The following PTPRD variants were observed in gnomAD, a reference collection of about 807,000 sequenced individuals.
PTPRD encodes protein tyrosine phosphatase receptor type D.
A neutral mutation model predicts 214.5 loss-of-function variants in PTPRD; 34 were observed. The observed-to-expected ratio is 0.16, with a 90% CI of 0.12 to 0.21. PTPRD has a LOEUF of 0.21. PTPRD is among the 10% of genes least tolerant of loss of function. The pLI, the probability that PTPRD is intolerant of heterozygous loss-of-function variation, is 1.00. For missense variants in PTPRD, 2,545 were observed against 2,398.7 expected (o/e 1.06, Z -1.27); for synonymous variants, 1,128 against 845.7 (o/e 1.33, Z -5.79).
chr9:9,971,235 T>C (rs922982634), intron 4 of PTPRD, among the ~76,000 whole-genome samples: 4 of 152,186 alleles, frequency 2.6e-5, no homozygotes, highest in South Asian at 2.1e-4. Flanking sequence ...GTAGTAATTC[T>C]TCAGTCTGAG....
intron 9 of PTPRD, among the ~76,000 whole-genome samples, chr9:9,308,225 T>A (rs1201636888): frequency 6.6e-6 from 1 of 152,168 alleles, no homozygotes; most frequent in African/African-American, 2.4e-5. Flanking sequence ...TCAAGTAATA[T>A]CACCAACTAA....
At chr9:9,786,122 T>G (rs569752279) in intron 5 of PTPRD, among the ~76,000 whole-genome samples, 57 of 152,290 alleles carry the variant, frequency 3.7e-4, no homozygotes, top group African/African-American at 1.3e-3. Context: ...TTACCTAACC[T>G]AAAAATTTTT....
intron 8 of PTPRD, among the ~76,000 whole-genome samples, chr9:9,525,489 A>G (rs1488342054): frequency 1.3e-5 from 2 of 152,168 alleles, no homozygotes; most frequent in Non-Finnish European, 1.5e-5. Context: ...CACAAATTAA[A>G]TGGAATGCCC....
intron 8 of PTPRD, among the ~76,000 whole-genome samples, chr9:9,460,724 G>A (rs2093580150): frequency 1.3e-5 from 2 of 152,196 alleles, no homozygotes; most frequent in Admixed American, 1.3e-4. Context: ...CTGTTGGTGG[G>A]AATGGAAATT....
chr9:8,361,266 T>C (rs1317971465), intron 39 of PTPRD, among the ~76,000 whole-genome samples: 1 of 152,204 alleles, frequency 6.6e-6, no homozygotes, highest in Non-Finnish European at 1.5e-5. Context: ...ATGTGAAACT[T>C]AGAATGTCAA....
chr9:10,117,256 C>T (rs1216659788), intron 3 of PTPRD, among the ~76,000 whole-genome samples: 3 of 152,008 alleles, frequency 2.0e-5, no homozygotes, highest in Non-Finnish European at 2.9e-5. Flanking sequence ...AGTAAATTAG[C>T]CCATTTTTAG....
chr9:9,973,792 T>C (rs139203754), intron 4 of PTPRD, among the ~76,000 whole-genome samples: 9 of 152,210 alleles, frequency 5.9e-5, no homozygotes, highest in East Asian at 1.9e-4. Context: ...TTTTCATTTA[T>C]ATTTTTATTT....
At chr9:9,456,549 A>G (rs2093030473) in intron 8 of PTPRD, among the ~76,000 whole-genome samples, 1 of 151,928 alleles carries the variant, frequency 6.6e-6, no homozygotes, top group East Asian at 1.9e-4. Context: ...ATAGAGTTAA[A>G]AATGTATTAC....
At chr9:9,947,562 T>G (rs1261119730) in intron 4 of PTPRD, among the ~76,000 whole-genome samples, 1 of 39,558 alleles carries the variant, frequency 2.5e-5, no homozygotes, top group African/African-American at 1.7e-4. Flanking sequence ...TATATATATA[T>G]TTTATATATA....
At chr9:8,816,140 T>A (rs2096914211) in intron 11 of PTPRD, among the ~76,000 whole-genome samples, 1 of 152,192 alleles carries the variant, frequency 6.6e-6, no homozygotes, top group Non-Finnish European at 1.5e-5. Flanking sequence ...AACAGTAACA[T>A]CATTCACAGG....
intron 22 of PTPRD, 108 bp from the exon 23 acceptor site, chr9:8,504,513 C>A (rs935576619): frequency 8.1e-7 from 1 of 1,233,026 alleles, no homozygotes; most frequent in East Asian, 2.3e-5. Flanking sequence ...ATAATCTCAT[C>A]AAAATATCAC....
chr9:9,301,617 C>T (rs1348954926), intron 9 of PTPRD, among the ~76,000 whole-genome samples: 1 of 151,844 alleles, frequency 6.6e-6, no homozygotes, highest in South Asian at 2.1e-4. Flanking sequence ...TTGAATATTG[C>T]TTTTACTGAA....
chr9:8,877,803 T>C (rs80066751), intron 11 of PTPRD, among the ~76,000 whole-genome samples: 5,091 of 152,248 alleles, frequency 0.033, 289 homozygotes, highest in African/African-American at 0.11. Flanking sequence ...CCTTTTCCCA[T>C]TTAAACACTA....
intron 3 of PTPRD, among the ~76,000 whole-genome samples, chr9:10,140,368 A>C (rs888658469): frequency 1.3e-5 from 2 of 151,932 alleles, no homozygotes; most frequent in Middle Eastern, 3.2e-3. Context: ...TAATAAAGAA[A>C]AAAAGAGAGA....
chr9:10,239,098 G>A (rs924708285), intron 3 of PTPRD, among the ~76,000 whole-genome samples: 1 of 151,818 alleles, frequency 6.6e-6, no homozygotes, highest in African/African-American at 2.4e-5. Context: ...AAAACACAAA[G>A]GATTCTGATA....
chr9:10,545,771 T>C (rs2060045241), intron 2 of PTPRD, among the ~76,000 whole-genome samples: 1 of 152,158 alleles, frequency 6.6e-6, no homozygotes, highest in Admixed American at 6.6e-5. Context: ...TTCTTTCTTA[T>C]TGCTAGACAA....
rs144699973 is a variant in PTPRD at position 9,425,837 on chromosome 9, T to C, written c.-236-28355A>G. Among the ~76,000 whole-genome samples the C allele has an allele frequency of 5.5e-3, 834 of 152,142 alleles. 4 individuals are homozygous for C. The highest frequency in any genetic ancestry group is 0.018 in the African/African-American group (739 of 41,492). ...CTAATTTAAGAAGAGGAGATAAAAA[T>C]AGTGTTGAGTTGATTTTTATATAAT... is the stretch of plus-strand genomic sequence containing the variant. On this transcript the variant is annotated intron_variant, in intron 8 of 45. Transcript: ENST00000381196.
intron 5 of PTPRD, among the ~76,000 whole-genome samples, chr9:9,866,506 G>C (rs1165256849): frequency 6.6e-6 from 1 of 152,000 alleles, no homozygotes; most frequent in Non-Finnish European, 1.5e-5. Context: ...GGCTCTTTTG[G>C]TGCCATTTAT....
At chr9:8,741,693 C>T (rs1418197884) in intron 11 of PTPRD, among the ~76,000 whole-genome samples, 3 of 146,870 alleles carry the variant, frequency 2.0e-5, no homozygotes, top group African/African-American at 5.1e-5. Context: ...CAGGTTCAAG[C>T]GATTCTCCTG....
Sources: gnomAD v4.1 joint callset for allele counts (sites outside exome capture counted in the v4.1 genomes callset) on GRCh38, gnomAD v4.1.1 for gene constraint, MANE v1.5 for transcripts, NCBI Gene and HGNC (gene_info 2026-07-23, HGNC 2026-07-21) for gene names.